PDCD10: variants seen among roughly 807,000 people sequenced by gnomAD.
The protein encoded by PDCD10 is programmed cell death protein 10.
Under a neutral mutation model 29.2 loss-of-function variants are expected in PDCD10, and 4 were observed. The ratio of observed to expected loss-of-function variants is 0.14; its 90% CI spans 0.07 to 0.31. PDCD10 has a LOEUF of 0.31. Ranked by LOEUF, PDCD10 falls within the 10% of genes least tolerant of loss-of-function variation. The probability of loss-of-function intolerance (pLI) is 1.00; values close to 1 mark genes in which losing one functional copy is unlikely to be tolerated. For synonymous variants in PDCD10, 70 were observed against 82.2 expected, an observed-to-expected ratio of 0.85 and a Z score of 0.80; for missense variants, 183 against 257.9, an observed-to-expected ratio of 0.71 and a Z score of 1.99.
chr3:167,710,373 G>A (rs1456111413), intron 3 of PDCD10, among the ~76,000 whole-genome samples: 1 of 152,150 alleles, frequency 6.6e-6, no homozygotes, highest in Non-Finnish European at 1.5e-5. Flanking sequence ...ATCACCACAG[G>A]CTGACTGAAG....
At chr3:167,725,882 C>G (rs1724109126) in intron 2 of PDCD10, among the ~76,000 whole-genome samples, 1 of 146,410 alleles carries the variant, frequency 6.8e-6, no homozygotes, top group Non-Finnish European at 1.5e-5. Flanking sequence ...TTTAAAGTCT[C>G]AAAGCATGGG....
rs193050929 is a variant in PDCD10 at position 167,710,006 on chromosome 3, A to C, written c.97-5111T>G. Among the ~76,000 whole-genome samples the C allele has an allele frequency of 2.7e-4, 41 of 152,250 alleles. 1 individual carries two copies. The highest frequency in any genetic ancestry group is 9.2e-4 in the Admixed American group (14 of 15,290). ...GGCCAAAATGGAGCTCACTGCCCTG[A>C]AGGGAAGGATCCAATCCTGGCAGGA... On this transcript the variant is annotated intron_variant, in intron 3 of 8. Coordinates refer to ENST00000392750, the MANE Select transcript of PDCD10 (RefSeq NM_007217.4).
chr3:167,693,874 T>A (rs1267783753), intron 6 of PDCD10, among the ~76,000 whole-genome samples: 1 of 152,094 alleles, frequency 6.6e-6, no homozygotes, highest in Non-Finnish European at 1.5e-5. Flanking sequence ...AAGGACTGCT[T>A]GAGCCCAGGA....
intron 2 of PDCD10, among the ~76,000 whole-genome samples, chr3:167,733,289 C>A (rs1423038618): frequency 6.6e-6 from 1 of 152,148 alleles, no homozygotes; most frequent in Non-Finnish European, 1.5e-5. Flanking sequence ...ATTCTGCCAT[C>A]AATGAACATA....
chr3:167,702,692 G>A (rs1262046347), intron 4 of PDCD10, among the ~76,000 whole-genome samples: 4 of 152,034 alleles, frequency 2.6e-5, no homozygotes, highest in African/African-American at 9.7e-5. Flanking sequence ...AATTATTGTC[G>A]TTGCGGACCA....
At chr3:167,711,615 A>G (rs1354713678) in intron 3 of PDCD10, among the ~76,000 whole-genome samples, 1 of 152,218 alleles carries the variant, frequency 6.6e-6, no homozygotes, top group African/African-American at 2.4e-5. Context: ...AAGTGATAAC[A>G]ACAGAGAACT....
chr3:167,722,581 T>C (rs1011833627), intron 2 of PDCD10, among the ~76,000 whole-genome samples: 1 of 152,160 alleles, frequency 6.6e-6, no homozygotes, highest in African/African-American at 2.4e-5. Context: ...GGAGTACTTA[T>C]ATACTGGGGT....
intron 2 of PDCD10, among the ~76,000 whole-genome samples, chr3:167,723,875 C>G (rs919744451): frequency 3.3e-5 from 5 of 152,022 alleles, no homozygotes; most frequent in Non-Finnish European, 7.4e-5. Context: ...TATAATTTAC[C>G]CCTCATTTTC....
intron 2 of PDCD10, among the ~76,000 whole-genome samples, chr3:167,722,662 A>C (rs1723698205): frequency 6.6e-6 from 1 of 152,124 alleles, no homozygotes; most frequent in Non-Finnish European, 1.5e-5. Context: ...AGGAGGTGAA[A>C]TACTTATGAG....
At chr3:167,719,428 TTC>T (rs1440092156) in intron 3 of PDCD10, among the ~76,000 whole-genome samples, 1 of 152,040 alleles carries the variant, frequency 6.6e-6, no homozygotes, top group African/African-American at 2.4e-5. Context: ...AGTTCCAGAA[TTC>T]TCTACATACC....
intron 6 of PDCD10, 53 bp downstream of exon 6, chr3:167,695,543 G>C: frequency 6.5e-7 from 1 of 1,535,748 alleles, no homozygotes; most frequent in Non-Finnish European, 9.0e-7. Context: ...TAGATGAGTA[G>C]TTCCTCGGAA....
intron 2 of PDCD10, among the ~76,000 whole-genome samples, chr3:167,728,681 A>G (rs536012406): frequency 3.9e-5 from 6 of 152,362 alleles, no homozygotes; most frequent in African/African-American, 1.4e-4. Flanking sequence ...CTACTGAAGT[A>G]TAAACTCCCT....
Position 167,717,132 on chromosome 3 carries a change from C to G in PDCD10, c.96+2930G>C, listed in dbSNP as rs1046919322. Among the ~76,000 whole-genome samples, 4 of 152,132 alleles carry G rather than the reference C, an allele frequency of 2.6e-5. No individual in the cohort carries two copies. In the South Asian group the frequency reaches 8.3e-4, roughly 32 times the overall value. On this transcript the variant is annotated intron_variant, in intron 3 of 8. Coordinates refer to ENST00000392750, the MANE Select transcript of PDCD10 (RefSeq NM_007217.4). ...CCACAGCAGCTGATTAAACAAGAAG[C>G]CTACTTCTTCTCAGCTGTCCTGGCA...
At chr3:167,700,934 T>C (rs927491221) in intron 4 of PDCD10, among the ~76,000 whole-genome samples, 2 of 152,118 alleles carry the variant, frequency 1.3e-5, no homozygotes, top group Non-Finnish European at 2.9e-5. Context: ...CCACAAAGAA[T>C]ATTTATTAGT....
intron 6 of PDCD10, among the ~76,000 whole-genome samples, chr3:167,688,456 TAAAGA>T (rs1719873785): frequency 6.6e-6 from 1 of 152,052 alleles, no homozygotes; most frequent in Admixed American, 6.6e-5. Context: ...CTCCCCTTTC[TAAAGA>T]AAAAAAAGAA....
At chr3:167,721,110 G>C (rs1723516407) in intron 2 of PDCD10, among the ~76,000 whole-genome samples, 1 of 152,142 alleles carries the variant, frequency 6.6e-6, no homozygotes, top group Non-Finnish European at 1.5e-5. Flanking sequence ...TCCTAATCAT[G>C]AAGTGAATAA....
chr3:167,690,310 G>A (rs183611847), intron 6 of PDCD10, among the ~76,000 whole-genome samples: 6 of 152,300 alleles, frequency 3.9e-5, no homozygotes, highest in African/African-American at 1.2e-4. Context: ...TGCATGATAC[G>A]CATTTATGCA....
At chr3:167,706,562 T>C (rs1721995132) in intron 3 of PDCD10, among the ~76,000 whole-genome samples, 1 of 151,992 alleles carries the variant, frequency 6.6e-6, no homozygotes, top group East Asian at 1.9e-4. Context: ...AGAGGTAATG[T>C]TGCGCTACAA....
intron 3 of PDCD10, among the ~76,000 whole-genome samples, chr3:167,710,077 C>G (rs1722378022): frequency 6.6e-6 from 1 of 152,158 alleles, no homozygotes; most frequent in African/African-American, 2.4e-5. Flanking sequence ...GAATAAACAA[C>G]AGCGATACCC....
Sources: allele counts gnomAD v4.1 joint callset (sites outside exome capture counted in the v4.1 genomes callset), GRCh38; gene constraint gnomAD v4.1.1; transcripts MANE v1.5; gene names NCBI Gene and HGNC (gene_info 2026-07-23, HGNC 2026-07-21).